Variants in EEF2K observed in about 807,000 individuals in gnomAD.
The protein encoded by EEF2K is alternative protein EEF2K.
EEF2K carries 70 observed loss-of-function variants against 93.8 expected under a neutral mutation model. The observed-to-expected ratio is 0.75, with a 90% CI of 0.62 to 0.91. EEF2K has a LOEUF of 0.91. Ranked by LOEUF, EEF2K falls within the 40% of genes least tolerant of loss-of-function variation. The pLI is 0.00. For missense variants in EEF2K, 935 were observed against 972.9 expected (o/e 0.96, Z 0.52); for synonymous variants, 376 against 380.8 (o/e 0.99, Z 0.15).
intron 6 of EEF2K, 30 bp downstream of exon 6, chr16:22,251,352 C>T: frequency 1.2e-6 from 2 of 1,610,912 alleles, no homozygotes; most frequent in East Asian, 2.2e-5. Context: ...GCCCCCTTTC[C>T]ATGCCAGGGC....
Position 22,225,558 on chromosome 16 carries a change from G to C in EEF2K, c.-76-96G>C. 5 of 1,001,936 alleles carry C rather than the reference G, an allele frequency of 5.0e-6. No individual in the cohort carries two copies. The South Asian group carries it at 8.5e-5, about 17-fold the overall frequency. 62.1% of individuals were successfully genotyped at this position (1,001,936 alleles called of 1,614,324 possible). On this transcript the variant is annotated intron_variant, in intron 1 of 17. Coordinates refer to ENST00000263026, the MANE Select transcript of EEF2K (RefSeq NM_013302.5). ...TCTAGGTTTTACCCCAAGGGTGCCA[G>C]CTCCTGCGATAGCCTGCAGCATTTG... is the stretch of plus-strand genomic sequence containing the variant.
Position 22,232,879 on chromosome 16 carries a change from TG to T in EEF2K, c.246+6906del, listed in dbSNP as rs1190035258. 3.4e-5 allele frequency among the ~76,000 whole-genome samples: 5 copies of T among 148,206 alleles called. No homozygotes were observed. In the East Asian group the frequency reaches 8.6e-4, roughly 26 times the overall value. On this transcript the variant is annotated intron_variant, in intron 2 of 17. Transcript: ENST00000263026. The stretch of plus-strand genomic sequence containing the variant: ...TCCCTCAGCATCCCATAAACCTAAG[TG>T]GTTTTTTTTTTAACGCACTGTGACC...
chr16:22,266,257 T>C, intron 13 of EEF2K, 133 bp from the exon 14 acceptor site: 1 of 1,299,634 alleles, frequency 7.7e-7, no homozygotes, highest in South Asian at 1.6e-5. Flanking sequence ...GTTTTGCCAA[T>C]AAACTTTGAC....
chr16:22,206,572 G>C lies in EEF2K; in HGVS notation c.-184G>C, dbSNP rs2046864419. 6.6e-6 allele frequency: 1 copy of C among 152,250 alleles called. No homozygotes were observed. Among genetic ancestry groups the C allele is most frequent in the Non-Finnish European group, 1.5e-5 (1 of 68,226 alleles). 9.4% of individuals were successfully genotyped at this position (152,250 alleles called of 1,614,324 possible). ...CTCTCCGCTCCCCGGCACTCTCGGG[G>C]GGCCCGCCCGCCCTGCACCCTGGAG... On this transcript the variant is annotated 5_prime_UTR_variant, in exon 1 of 18. Coordinates refer to ENST00000263026, the MANE Select transcript of EEF2K (RefSeq NM_013302.5).
Position 22,237,598 on chromosome 16 carries a change from A to G in EEF2K, c.247-7032A>G, listed in dbSNP as rs1015341836. Among the ~76,000 whole-genome samples the G allele has an allele frequency of 2.0e-5, 3 of 148,356 alleles. No homozygotes were observed. The East Asian group carries it at 6.5e-4, about 32-fold the overall frequency. On this transcript the variant is annotated intron_variant, in intron 2 of 17. Coordinates refer to ENST00000263026, the MANE Select transcript of EEF2K (RefSeq NM_013302.5). ...CCATTACTGCACTGCAGGCTGCGCA[A>G]CAGAGTGAAACCCTGTCTCAAAAAA...
intron 2 of EEF2K, among the ~76,000 whole-genome samples, chr16:22,227,753 G>A (rs1354649212): frequency 6.6e-6 from 1 of 151,914 alleles, no homozygotes; most frequent in Non-Finnish European, 1.5e-5. Context: ...TAGTTACTTT[G>A]ATAGAAACTT....
At chr16:22,247,445 C>CAAAA (rs376610133) in intron 3 of EEF2K, among the ~76,000 whole-genome samples, 31 of 139,244 alleles carry the variant, frequency 2.2e-4, no homozygotes, top group Non-Finnish European at 4.1e-4. Context: ...GATTCTGTGT[C>CAAAA]AAAAAAAAAA....
chr16:22,242,122 C>T (rs1363664013), intron 2 of EEF2K, among the ~76,000 whole-genome samples: 1 of 152,042 alleles, frequency 6.6e-6, no homozygotes, highest in African/African-American at 2.4e-5. Flanking sequence ...GTAGCCTGGA[C>T]AACAGAGAGA....
chr16:22,215,469 C>T (rs554322240), intron 1 of EEF2K, among the ~76,000 whole-genome samples: 7 of 152,262 alleles, frequency 4.6e-5, no homozygotes, highest in African/African-American at 1.4e-4. Flanking sequence ...GGGCTGGACT[C>T]TGTAAATTGG....
rs1250302750 is a variant in EEF2K at position 22,266,465 on chromosome 16, G to C, written c.1516G>C (p.Val506Leu). 1 of 1,614,204 alleles carries C rather than the reference G, an allele frequency of 6.2e-7. No individual in the cohort carries two copies. Among genetic ancestry groups the C allele is most frequent in the African/African-American group, 1.3e-5 (1 of 75,046 alleles). ...GAGGGCTTCGGCCGTGGCCCTGGAA[G>C]TGCAAAGGCTTAATGCTCTGGACCT... is the stretch of plus-strand genomic sequence containing the variant. ...LPRASAVALE[V>L]QRLNALDLEK... The change falls in exon 14 of 18, where the codon GTG becomes CTG. Residue 506 changes from valine (V) to leucine (L), a missense_variant. Coordinates refer to ENST00000263026, the MANE Select transcript of EEF2K (RefSeq NM_013302.5).
At chr16:22,226,010 G>A (rs2047060309) in intron 2 of EEF2K, 35 bp downstream of exon 2, 1 of 1,607,790 alleles carries the variant, frequency 6.2e-7, no homozygotes, top group Non-Finnish European at 8.5e-7. Flanking sequence ...TCCCCACCTG[G>A]CTTAGCTGCT....
chr16:22,283,858 T>A, intron 17 of EEF2K, 29 bp from the exon 18 acceptor site: 1 of 1,559,732 alleles, frequency 6.4e-7, no homozygotes, highest in East Asian at 2.4e-5. Flanking sequence ...GTGGTTCACC[T>A]CTTTTTGCCC....
intron 2 of EEF2K, among the ~76,000 whole-genome samples, chr16:22,243,379 G>A (rs1165012078): frequency 1.3e-5 from 2 of 151,152 alleles, no homozygotes; most frequent in Non-Finnish European, 2.9e-5. Context: ...AGCCTCCCAA[G>A]TAGCTGGGAT....
At chr16:22,253,470 G>T (rs2047370486) in intron 6 of EEF2K, among the ~76,000 whole-genome samples, 1 of 151,960 alleles carries the variant, frequency 6.6e-6, no homozygotes, top group African/African-American at 2.4e-5. Context: ...TCCTCCACAA[G>T]CTTGTTCCTG....
At position 22,228,681 on chromosome 16, in the gene EEF2K, C is replaced by T. The variant is rs185459014; in HGVS notation, c.246+2706C>T. Among the ~76,000 whole-genome samples, 9 of 152,312 alleles carry T rather than the reference C, an allele frequency of 5.9e-5. No individual in the cohort carries two copies. In the East Asian group the frequency reaches 1.7e-3, roughly 29 times the overall value. On this transcript the variant is annotated intron_variant, in intron 2 of 17. Coordinates refer to ENST00000263026, the MANE Select transcript of EEF2K (RefSeq NM_013302.5). ...GCAGGATACAGGTTTCAGACAAAGA[C>T]AGTAAATTATTTAACACGTGACAAT...
intron 1 of EEF2K, among the ~76,000 whole-genome samples, chr16:22,211,847 T>G (rs1259020276): frequency 6.6e-6 from 1 of 152,166 alleles, no homozygotes; most frequent in Non-Finnish European, 1.5e-5. Flanking sequence ...TCATGCAGCA[T>G]GCACTTGTGC....
At chr16:22,210,880 T>C (rs1056595297) in intron 1 of EEF2K, among the ~76,000 whole-genome samples, 1 of 152,126 alleles carries the variant, frequency 6.6e-6, no homozygotes, top group African/African-American at 2.4e-5. Flanking sequence ...GGAGGAGTTA[T>C]GTAGCAAGTG....
intron 16 of EEF2K, among the ~76,000 whole-genome samples, chr16:22,276,209 G>A (rs1024948668): frequency 6.6e-6 from 1 of 152,088 alleles, no homozygotes; most frequent in African/African-American, 2.4e-5. Context: ...GCCTCCCAAA[G>A]TGCTGGTATT....
chr16:22,216,563 T>A (rs896261510), intron 1 of EEF2K, among the ~76,000 whole-genome samples: 2 of 152,296 alleles, frequency 1.3e-5, no homozygotes, highest in East Asian at 3.9e-4. Flanking sequence ...CTTCTTCTAG[T>A]TGGTGGAATA....
Sources: gnomAD v4.1 joint callset for allele counts (sites outside exome capture counted in the v4.1 genomes callset) on GRCh38, gnomAD v4.1.1 for gene constraint, MANE v1.5 for transcripts, NCBI Gene and HGNC (gene_info 2026-07-23, HGNC 2026-07-21) for gene names.